The following NOP56 variants were observed in gnomAD, a reference collection of about 807,000 sequenced individuals.
NOP56 encodes nucleolar protein 56.
In NOP56, 31 loss-of-function variants were observed where a neutral mutation model predicts 58.3. The observed-to-expected ratio is 0.53, with a 90% CI of 0.40 to 0.72. NOP56 has a LOEUF of 0.72. Among genes scored for constraint, NOP56 ranks in the 30% least tolerant of loss-of-function variants. NOP56 has a pLI of 0.00. For synonymous variants in NOP56, 313 were observed against 282.8 expected, an observed-to-expected ratio of 1.11 and a Z score of -1.07; for missense variants, 669 against 739.9, an observed-to-expected ratio of 0.90 and a Z score of 1.11.
chr20:2,654,331 G>A (rs751281646), intron 3 of NOP56, 83 bp from the exon 4 acceptor site: 1 of 1,464,642 alleles, frequency 6.8e-7, no homozygotes, highest in African/African-American at 1.4e-5. Context: ...AGCGTGCTCG[G>A]TGGGACCAGG....
chr20:2,653,009 C>A, intron 2 of NOP56, 78 bp downstream of exon 2: 1 of 1,342,482 alleles, frequency 7.4e-7, no homozygotes, highest in South Asian at 1.4e-5. Flanking sequence ...AGCGCGCTCC[C>A]ACGTGGCCGG....
rs1438931525 is a variant in NOP56 at position 2,654,423 on chromosome 20, A to G, written c.218A>G (p.His73Arg). The G allele has an allele frequency of 6.2e-7, 1 of 1,614,102 alleles. No individual in the cohort carries two copies. The highest frequency in any genetic ancestry group is 8.5e-7 in the Non-Finnish European group (1 of 1,180,014). The change falls in exon 4 of 12, where the codon CAT (histidine) becomes CGT (arginine). Residue 73 changes from histidine (H) to arginine (R), a missense_variant. By Grantham distance (29) the His-to-Arg change is conservative. This residue lies in a region of NOP56 where 121 missense variants were observed against 113.1 expected (regional missense o/e 1.07). Transcript: ENST00000329276. ...NANAVSEGVVHEDLRLLLETH... is the reference protein window; with the variant it reads ...NANAVSEGVVREDLRLLLETH... ...TGTTCTTTCCCCTGAGGGGTTGTTC[A>G]TGAGGACCTCCGCCTGCTCTTGGAG...
intron 11 of NOP56, 185 bp downstream of exon 11, chr20:2,657,403 GC>G: frequency 1.1e-6 from 1 of 893,726 alleles, no homozygotes; most frequent in Non-Finnish European, 1.8e-6. Flanking sequence ...TTGCTCAAGA[GC>G]CCAGAGAGCT....
Position 2,657,125 on chromosome 20 carries a change from G to T in NOP56, c.1326G>T (p.Gln442His). ...AGATTACTAGGAAGCTGGAGAAACA[G>T]GAGAAGAAACGCTTAAAGAAGGAAA... ...AAEITRKLEK[Q>H]EKKRLKKEKK... Residue 442 changes from glutamine (Q) to histidine (H), a missense_variant, in exon 11 of 12, where the codon CAG becomes CAT. Around this residue, in one of 3 missense-constraint regions of NOP56, gnomAD observed 209 missense variants for 196.2 expected, o/e 1.07. Coordinates refer to ENST00000329276, the MANE Select transcript of NOP56 (RefSeq NM_006392.4). 6.2e-7 allele frequency: 1 copy of T among 1,613,930 alleles called. No homozygotes were observed. Among genetic ancestry groups the T allele is most frequent in the Non-Finnish European group, 8.5e-7 (1 of 1,180,036 alleles).
chr20:2,654,472 G>T lies in NOP56; in HGVS notation c.267G>T (p.Lys89Asn), dbSNP rs750240595. ...LLETHLPSKK[K>N]KVLLGVGDPK... is the part of the protein sequence containing the mutation. ...AGACCCACCTGCCGTCCAAAAAGAA[G>T]AAAGTACTCTTGGGAGTTGGGGATC... The change falls in exon 4 of 12, where the codon AAG (lysine) becomes AAT (asparagine). Residue 89 changes from lysine (K) to asparagine (N), a missense_variant. Lys to Asn is a moderately conservative substitution (Grantham distance 94). Around this residue, in one of 3 missense-constraint regions of NOP56, gnomAD observed 121 missense variants for 113.1 expected, o/e 1.07. Transcript: ENST00000329276. 20 of 1,614,108 alleles carry T rather than the reference G, an allele frequency of 1.2e-5. 1 individual carries two copies. The Middle Eastern group carries it at 4.9e-4, about 40-fold the overall frequency.
chr20:2,654,437 C>G lies in NOP56; in HGVS notation c.232C>G (p.Leu78Val). ...SEGVVHEDLR[L>V]LLETHLPSKK... The stretch of plus-strand genomic sequence containing the variant: ...AGGGGTTGTTCATGAGGACCTCCGC[C>G]TGCTCTTGGAGACCCACCTGCCGTC... The change falls in exon 4 of 12, where the codon CTG becomes GTG. Residue 78 changes from leucine to valine, a missense_variant. Coordinates refer to ENST00000329276, the MANE Select transcript of NOP56 (RefSeq NM_006392.4). 2 of 1,614,170 alleles carry G rather than the reference C, an allele frequency of 1.2e-6. No individual in the cohort carries two copies. The highest frequency in any genetic ancestry group is 1.7e-6 in the Non-Finnish European group (2 of 1,180,034).
rs1555779375 is a variant in NOP56, at chr20:2,652,752, G to GGCCTGGGCCTGC, written c.4-85_4-84insGGCCTGCGCCTG. ...CAGACAGGGCCTGGGCCTGGGCCTG[G>GGCCTGGGCCTGC]GCCTGCGCCTGCGCCTGCGCCTGCC... On this transcript the variant is annotated intron_variant, in intron 1 of 11. Transcript: ENST00000329276. 3.3e-6 allele frequency: 5 copies of GGCCTGGGCCTGC among 1,508,364 alleles called. No homozygotes were observed. The African/African-American group carries it at 7.1e-5, about 21-fold the overall frequency. 93.4% of individuals were successfully genotyped at this position (1,508,364 alleles called of 1,614,324 possible). A position where few individuals can be genotyped will look rare whatever the true frequency, so the allele number is the denominator to read the frequency against.
intron 9 of NOP56, 41 bp downstream of exon 9, chr20:2,656,590 G>A (rs762793154): frequency 3.7e-6 from 6 of 1,611,454 alleles, no homozygotes; most frequent in Middle Eastern, 1.7e-4. Flanking sequence ...GAAGGGGCTG[G>A]GTGGCTGGGT....
intron 11 of NOP56, chr20:2,657,456 C>T (rs1198792742): frequency 5.6e-6 from 4 of 708,088 alleles, no homozygotes; most frequent in Non-Finnish European, 7.8e-6. Flanking sequence ...TGTGTTCTGT[C>T]CTCGGCTGCC....
In NOP56 at chr20:2,652,634, T is replaced by A; in HGVS notation, c.-27T>A. 1 of 1,403,626 alleles carries A rather than the reference T, an allele frequency of 7.1e-7. No individual in the cohort carries two copies. Among genetic ancestry groups the A allele is most frequent in the Middle Eastern group, 2.7e-4 (1 of 3,766 alleles). The allele number at this position is 1,403,626 out of a possible 1,614,324, so 86.9% of individuals were successfully genotyped here. A position where few individuals can be genotyped will look rare whatever the true frequency, so the allele number is the denominator to read the frequency against. ...GCGCGCCGGAGCGCGCTAGCCGCAT[T>A]GCGAGCCGAACCCGGGAGCTGGCGC... On this transcript the variant is annotated 5_prime_UTR_variant, in exon 1 of 12. Transcript: ENST00000329276.
Position 2,654,588 on chromosome 20 carries a change from T to C in NOP56, c.370+13T>C. 1.2e-6 allele frequency: 2 copies of C among 1,613,536 alleles called. No individual in the cohort carries two copies. The highest frequency in any genetic ancestry group is 1.7e-6 in the Non-Finnish European group (2 of 1,179,508). ...GAGATCCTGCGAGGTGAGACCATCA[T>C]CTGTTATATTCCTGTTATCCTGGAC... is the stretch of plus-strand genomic sequence containing the variant. On this transcript the variant is annotated intron_variant, in intron 4 of 11. Coordinates refer to ENST00000329276, the MANE Select transcript of NOP56 (RefSeq NM_006392.4).
chr20:2,655,320 T>C lies in NOP56; in HGVS notation c.570-5T>C. ...GGGCCAGGGAGTGACTGTGGCTCTT[T>C]GCAGGGAGTGGTACGGGTATCACTT... On this transcript the variant is annotated splice_region_variant and splice_polypyrimidine_tract_variant and intron_variant, in intron 5 of 11. Coordinates refer to ENST00000329276, the MANE Select transcript of NOP56 (RefSeq NM_006392.4). The C allele has an allele frequency of 1.2e-6, 2 of 1,614,206 alleles. No homozygotes were observed. The highest frequency in any genetic ancestry group is 8.5e-7 in the Non-Finnish European group (1 of 1,180,042).
chr20:2,655,767 A>T, intron 7 of NOP56, 21 bp downstream of exon 7: 1 of 1,614,152 alleles, frequency 6.2e-7, no homozygotes. Context: ...GGGGACTCAA[A>T]AATGGGAGAA....
At position 2,653,382 on chromosome 20, in the gene NOP56, C is replaced by A; in HGVS notation, c.197C>A (p.Ala66Asp). The A allele has an allele frequency of 6.2e-7, 1 of 1,613,970 alleles. No homozygotes were observed. Among genetic ancestry groups the A allele is most frequent in the South Asian group, 1.1e-5 (1 of 91,076 alleles). The change falls in exon 3 of 12, where the codon GCC becomes GAC. Residue 66 changes from alanine (A) to aspartate (D), a missense_variant. This residue lies in a region of NOP56 where 121 missense variants were observed against 113.1 expected (regional missense o/e 1.07). Coordinates refer to ENST00000329276, the MANE Select transcript of NOP56 (RefSeq NM_006392.4). ...SSQVALENAN[A>D]VSEGVVHEDL... ...CAGGTTGCCTTGGAAAATGCCAACG[C>A]CGTGTCTGAAGGTAAGTCGGCCACC...
In NOP56 at chr20:2,652,936, G is replaced by C; in HGVS notation, c.93+5G>C. On this transcript the variant is annotated splice_donor_5th_base_variant and intron_variant, in intron 2 of 11. Coordinates refer to ENST00000329276, the MANE Select transcript of NOP56 (RefSeq NM_006392.4). ...ATCAGTCTGCTGCAGCCGCAGGTGG[G>C]TGAGATCCGTGGGCTCCTTTGGCGG... is the stretch of plus-strand genomic sequence containing the variant. 1 of 1,593,312 alleles carries C rather than the reference G, an allele frequency of 6.3e-7. No homozygotes were observed. The highest frequency in any genetic ancestry group is 8.6e-7 in the Non-Finnish European group (1 of 1,168,250).
In NOP56 at chr20:2,654,731, G is replaced by A. The variant is rs188894909; in HGVS notation, c.371-18G>A. ...AGCTCAGAGCCCCTTGTTGCTCACC[G>A]TCTTGCCCTCTTCTTAGGAGTTCGT... On this transcript the variant is annotated intron_variant, in intron 4 of 11. Coordinates refer to ENST00000329276, the MANE Select transcript of NOP56 (RefSeq NM_006392.4). The A allele has an allele frequency of 2.9e-4, 463 of 1,613,028 alleles. No homozygotes were observed. The African/African-American group carries it at 4.4e-3, about 15-fold the overall frequency.
chr20:2,653,101 C>A, intron 2 of NOP56, 170 bp downstream of exon 2: 1 of 773,748 alleles, frequency 1.3e-6, no homozygotes, highest in Non-Finnish European at 2.1e-6. Context: ...TAGAATCGCT[C>A]TAGCAATTAG....
Position 2,654,477 on chromosome 20 carries a change from T to C in NOP56, c.272T>C (p.Val91Ala), listed in dbSNP as rs369349153. ...ETHLPSKKKK[V>A]LLGVGDPKIG... Reference sequence around the variant, plus strand: ...CACCTGCCGTCCAAAAAGAAGAAAGTACTCTTGGGAGTTGGGGATCCCAAG... The same window carrying C: ...CACCTGCCGTCCAAAAAGAAGAAAGCACTCTTGGGAGTTGGGGATCCCAAG... The change falls in exon 4 of 12, where the codon GTA becomes GCA. Residue 91 changes from valine (V) to alanine (A), a missense_variant. Coordinates refer to ENST00000329276, the MANE Select transcript of NOP56 (RefSeq NM_006392.4). The C allele has an allele frequency of 9.3e-6, 15 of 1,614,046 alleles. No homozygotes were observed. Among genetic ancestry groups the C allele is most frequent in the Non-Finnish European group, 1.1e-5 (13 of 1,180,030 alleles).
At chr20:2,653,832 T>C (rs1319045155) in intron 3 of NOP56, 1 of 262,124 alleles carries the variant, frequency 3.8e-6, no homozygotes, top group African/African-American at 2.2e-5. Context: ...ATTTTGTATT[T>C]TTGGTAGAGA....
Sources: gnomAD v4.1 joint callset for allele counts on GRCh38, gnomAD v4.1.1 for gene constraint, gnomAD v4.1.1 regional missense constraint, MANE v1.5 for transcripts, NCBI Gene and HGNC (gene_info 2026-07-23, HGNC 2026-07-21) for gene names.